CTNNA2: variants seen among roughly 807,000 people sequenced by gnomAD.
The protein encoded by CTNNA2 is catenin alpha 2, also known as catenin alpha-2.
Under a neutral mutation model 101.0 loss-of-function variants are expected in CTNNA2, and 42 were observed. The ratio of observed to expected loss-of-function variants is 0.42; its 90% CI spans 0.32 to 0.54. CTNNA2 has a LOEUF of 0.54. Ranked by LOEUF, CTNNA2 falls within the 20% of genes least tolerant of loss-of-function variation. The pLI, the probability that CTNNA2 is intolerant of heterozygous loss-of-function variation, is 0.14. For synonymous variants in CTNNA2, 450 were observed against 456.4 expected, an observed-to-expected ratio of 0.99 and a Z score of 0.18; for missense variants, 871 against 1,223.1, an observed-to-expected ratio of 0.71 and a Z score of 4.29.
chr2:79,985,941 C>T (rs1357005390), intron 7 of CTNNA2, among the ~76,000 whole-genome samples: 1 of 152,188 alleles, frequency 6.6e-6, no homozygotes, highest in Non-Finnish European at 1.5e-5. Flanking sequence ...ACCACTTGCC[C>T]ACACCCCAGG....
chr2:80,059,599 G>C (rs575814906), intron 7 of CTNNA2, among the ~76,000 whole-genome samples: 1 of 152,288 alleles, frequency 6.6e-6, no homozygotes, highest in African/African-American at 2.4e-5. Context: ...ATTCCATAAT[G>C]ATTCTGAGAG....
At chr2:79,984,519 T>C (rs539228019) in intron 7 of CTNNA2, among the ~76,000 whole-genome samples, 4 of 152,234 alleles carry the variant, frequency 2.6e-5, no homozygotes, top group Non-Finnish European at 5.9e-5. Flanking sequence ...ATTTACAAGT[T>C]ACCTTTGTGC....
At chr2:80,330,418 A>G (rs2149261666) in intron 7 of CTNNA2, among the ~76,000 whole-genome samples, 1 of 152,326 alleles carries the variant, frequency 6.6e-6, no homozygotes, top group South Asian at 2.1e-4. Flanking sequence ...GGAGGTTATA[A>G]GATTTGTCCT....
intron 7 of CTNNA2, among the ~76,000 whole-genome samples, chr2:80,357,509 C>T (rs1469841370): frequency 6.6e-6 from 1 of 152,042 alleles, no homozygotes; most frequent in African/African-American, 2.4e-5. Context: ...AAGCAGATGC[C>T]TCTATGGACA....
chr2:79,406,032 C>T (rs780598309), intron 4 of CTNNA2, among the ~76,000 whole-genome samples: 1 of 151,930 alleles, frequency 6.6e-6, no homozygotes, highest in Non-Finnish European at 1.5e-5. Context: ...AGAACGATGT[C>T]ACAGAATTGA....
At chr2:79,531,634 G>A (rs1174008770) in intron 1 of CTNNA2, among the ~76,000 whole-genome samples, 1 of 151,788 alleles carries the variant, frequency 6.6e-6, no homozygotes, top group African/African-American at 2.4e-5. Flanking sequence ...ACACAGAGGT[G>A]TTATTGGATT....
At chr2:79,541,316 A>T (rs1056309436) in intron 1 of CTNNA2, among the ~76,000 whole-genome samples, 19 of 121,336 alleles carry the variant, frequency 1.6e-4, no homozygotes, top group East Asian at 8.8e-4. Context: ...TTATATGTAC[A>T]CACAGATATC....
chr2:79,284,438 A>G (rs1440574929), intron 2 of CTNNA2, among the ~76,000 whole-genome samples: 6 of 150,452 alleles, frequency 4.0e-5, no homozygotes, highest in Non-Finnish European at 5.9e-5. Context: ...TGTCCCATCA[A>G]TACCTACTTT....
chr2:80,303,240 A>G lies in CTNNA2; in HGVS notation c.1057-89971A>G, dbSNP rs375015501. On this transcript the variant is annotated intron_variant, in intron 7 of 18. Coordinates refer to ENST00000402739, the MANE Select transcript of CTNNA2 (RefSeq NM_001282597.3). The surrounding 1 kb of genome is among the most constrained non-coding windows in gnomAD (Gnocchi z 7.7). ...CGCGCCAGACTCTTGAGCTGATTGT[A>G]TCCGATGTCGAGAAACTTGAGGCTG... is the stretch of plus-strand genomic sequence containing the variant. 2.5e-6 allele frequency: 4 copies of G among 1,613,830 alleles called. No individual in the cohort carries two copies. Among genetic ancestry groups the G allele is most frequent in the South Asian group, 1.1e-5 (1 of 91,086 alleles).
chr2:80,396,678 G>A (rs542317571), intron 8 of CTNNA2, among the ~76,000 whole-genome samples: 2 of 152,204 alleles, frequency 1.3e-5, no homozygotes, highest in Non-Finnish European at 2.9e-5. Context: ...TATTATTTTT[G>A]TACTTTTATT....
At position 80,435,753 on chromosome 2, in the gene CTNNA2, G is replaced by A. The variant is rs138653692; in HGVS notation, c.1290+16152G>A. ...CGGACATAGTTCATACTCCATAAGCGCTTAATAGCTGAGGGTTAAATTCTT... is the reference window on the plus strand; with the variant it reads ...CGGACATAGTTCATACTCCATAAGCACTTAATAGCTGAGGGTTAAATTCTT... On this transcript the variant is annotated intron_variant, in intron 9 of 18. Coordinates refer to ENST00000402739, the MANE Select transcript of CTNNA2 (RefSeq NM_001282597.3). Among the ~76,000 whole-genome samples the A allele has an allele frequency of 5.5e-4, 83 of 152,268 alleles. No individual in the cohort carries two copies. In the East Asian group the frequency reaches 0.012, roughly 23 times the overall value.
chr2:80,334,226 A>C (rs1027390597), intron 7 of CTNNA2, among the ~76,000 whole-genome samples: 1 of 151,864 alleles, frequency 6.6e-6, no homozygotes. Flanking sequence ...TTTCTCGTCC[A>C]CTCTTGCATC....
At chr2:79,818,788 T>A (rs1259078742) in intron 3 of CTNNA2, among the ~76,000 whole-genome samples, 1 of 136,890 alleles carries the variant, frequency 7.3e-6, no homozygotes, top group Admixed American at 7.7e-5. Context: ...TGCTGCAAAG[T>A]CTGTATCATA....
intron 2 of CTNNA2, among the ~76,000 whole-genome samples, chr2:79,308,990 C>T (rs1259039937): frequency 6.6e-6 from 1 of 151,984 alleles, no homozygotes; most frequent in Non-Finnish European, 1.5e-5. Context: ...CTATCAATCT[C>T]CTTCCTGCTG....
chr2:80,247,274 T>G (rs962972682), intron 7 of CTNNA2, among the ~76,000 whole-genome samples: 12 of 152,176 alleles, frequency 7.9e-5, no homozygotes, highest in African/African-American at 2.9e-4. Flanking sequence ...TGGGAAGCTT[T>G]GGACTCCCTG....
intron 9 of CTNNA2, among the ~76,000 whole-genome samples, chr2:80,542,253 G>GTA (rs35573049): frequency 0.065 from 9,816 of 151,270 alleles, 744 homozygotes; most frequent in African/African-American, 0.18. Flanking sequence ...ATATTTATGT[G>GTA]TATATATATA....
chr2:80,266,963 T>C (rs1437271282), intron 7 of CTNNA2, among the ~76,000 whole-genome samples: 2 of 152,158 alleles, frequency 1.3e-5, no homozygotes. Flanking sequence ...TTCTTCTGCA[T>C]CTAGAATGGT....
chr2:80,183,256 A>G (rs987178551), intron 7 of CTNNA2, among the ~76,000 whole-genome samples: 3 of 152,258 alleles, frequency 2.0e-5, no homozygotes, highest in South Asian at 2.1e-4. Context: ...GAATGACTGG[A>G]ACCTTTTCAG....
intron 7 of CTNNA2, among the ~76,000 whole-genome samples, chr2:80,390,056 C>T (rs1468155282): frequency 3.9e-5 from 6 of 152,338 alleles, no homozygotes; most frequent in African/African-American, 1.4e-4. Flanking sequence ...CTGATCTCTT[C>T]ACATCATGGA....
Sources: allele counts gnomAD v4.1 joint callset (sites outside exome capture counted in the v4.1 genomes callset), GRCh38; gene constraint gnomAD v4.1.1; non-coding constraint Gnocchi (gnomAD v3.1); transcripts MANE v1.5; gene names NCBI Gene and HGNC (gene_info 2026-07-23, HGNC 2026-07-21).